EYA1: variants seen among roughly 807,000 people sequenced by gnomAD.
EYA1 encodes the protein protein phosphatase EYA1.
In EYA1, 16 loss-of-function variants were observed where a neutral mutation model predicts 82.0. The ratio of observed to expected loss-of-function variants is 0.20; its 90% CI spans 0.13 to 0.30. The LOEUF (loss-of-function observed/expected upper bound fraction) is 0.30, where lower values mean the gene tolerates loss of function less well. EYA1 is among the 10% of genes least tolerant of loss of function. The pLI, the probability that EYA1 is intolerant of heterozygous loss-of-function variation, is 1.00. For missense variants in EYA1, 633 were observed against 730.7 expected (o/e 0.87, Z 1.54); for synonymous variants, 261 against 264.4 (o/e 0.99, Z 0.12).
chr8:71,518,279 C>T (rs1272940757), intron 2 of EYA1, among the ~76,000 whole-genome samples: 1 of 152,116 alleles, frequency 6.6e-6, no homozygotes, highest in Non-Finnish European at 1.5e-5. Context: ...GGCATCTTGA[C>T]TCACCTTCCC....
intron 7 of EYA1, among the ~76,000 whole-genome samples, chr8:71,308,154 T>C (rs1820931149): frequency 6.6e-6 from 1 of 152,202 alleles, no homozygotes; most frequent in African/African-American, 2.4e-5. Context: ...CAAATCTACC[T>C]TTTAGATTTT....
chr8:71,429,544 T>C (rs1805479379), intron 2 of EYA1, among the ~76,000 whole-genome samples: 1 of 152,098 alleles, frequency 6.6e-6, no homozygotes, highest in African/African-American at 2.4e-5. Flanking sequence ...AATTCCAGTA[T>C]GAAACAGATT....
chr8:71,484,940 T>G (rs1810448274), intron 2 of EYA1, among the ~76,000 whole-genome samples: 1 of 152,216 alleles, frequency 6.6e-6, no homozygotes, highest in African/African-American at 2.4e-5. Context: ...TTCACAAGCC[T>G]CATGTAAGCC....
chr8:71,530,274 G>A (rs953623849), intron 2 of EYA1, among the ~76,000 whole-genome samples: 2 of 152,114 alleles, frequency 1.3e-5, no homozygotes, highest in African/African-American at 4.8e-5. Context: ...AAGGATGGCC[G>A]GTGCACTCCC....
At chr8:71,316,577 AATGT>A (rs1411190650) in intron 7 of EYA1, among the ~76,000 whole-genome samples, 1 of 152,200 alleles carries the variant, frequency 6.6e-6, no homozygotes, top group Non-Finnish European at 1.5e-5. Flanking sequence ...GATAATAATA[AATGT>A]ATGAGACTTA....
chr8:71,463,633 C>CT (rs1416073741), intron 2 of EYA1, among the ~76,000 whole-genome samples: 18 of 117,538 alleles, frequency 1.5e-4, no homozygotes, highest in East Asian at 6.1e-4. Context: ...CTCTCTCTCT[C>CT]CCTCCCTCCC....
chr8:71,302,524 A>G (rs1182309360), intron 7 of EYA1, among the ~76,000 whole-genome samples: 1 of 144,332 alleles, frequency 6.9e-6, no homozygotes, highest in African/African-American at 2.5e-5. Flanking sequence ...CTGAGATTCC[A>G]TTCCATTTAG....
chr8:71,243,924 A>G, intron 12 of EYA1, among the ~76,000 whole-genome samples: 1 of 152,240 alleles, frequency 6.6e-6, no homozygotes, highest in Non-Finnish European at 1.5e-5. Flanking sequence ...TTAAATAAAC[A>G]ACTGTCTCTA....
intron 2 of EYA1, among the ~76,000 whole-genome samples, chr8:71,420,595 T>A (rs576228586): frequency 6.6e-6 from 1 of 152,162 alleles, no homozygotes; most frequent in Non-Finnish European, 1.5e-5. Flanking sequence ...TGGCGCTAAG[T>A]GAAAGTAATA....
intron 1 of EYA1, among the ~76,000 whole-genome samples, chr8:71,545,465 C>G (rs1215740360): frequency 6.6e-6 from 1 of 151,638 alleles, no homozygotes. Flanking sequence ...ATTATAACAC[C>G]TCTCTCTCTA....
At chr8:71,513,747 T>A (rs1335974802) in intron 2 of EYA1, among the ~76,000 whole-genome samples, 3 of 152,106 alleles carry the variant, frequency 2.0e-5, no homozygotes, top group Non-Finnish European at 4.4e-5. Flanking sequence ...CCACCTCCTC[T>A]CCAGCTCCTC....
chr8:71,243,165 A>G (rs1812692556), intron 12 of EYA1, among the ~76,000 whole-genome samples: 1 of 152,212 alleles, frequency 6.6e-6, no homozygotes, highest in South Asian at 2.1e-4. Flanking sequence ...ATTAACACCT[A>G]TTAACATCAA....
At chr8:71,480,814 A>C (rs1295058950) in intron 2 of EYA1, among the ~76,000 whole-genome samples, 1 of 152,206 alleles carries the variant, frequency 6.6e-6, no homozygotes, top group Non-Finnish European at 1.5e-5. Context: ...AACAAATATC[A>C]ATTATTTATA....
At chr8:71,436,771 T>C (rs1246099948) in intron 2 of EYA1, among the ~76,000 whole-genome samples, 1 of 152,130 alleles carries the variant, frequency 6.6e-6, no homozygotes, top group Non-Finnish European at 1.5e-5. Flanking sequence ...TTCTTCTCTC[T>C]TGATAAATTA....
At chr8:71,226,841 A>G (rs1398185578) in intron 12 of EYA1, among the ~76,000 whole-genome samples, 1 of 151,804 alleles carries the variant, frequency 6.6e-6, no homozygotes, top group Non-Finnish European at 1.5e-5. Flanking sequence ...AGTAAGAGGT[A>G]TTTCAATGCA....
chr8:71,262,173 AAGG>A (rs1331444543), intron 11 of EYA1, among the ~76,000 whole-genome samples: 5 of 152,354 alleles, frequency 3.3e-5, no homozygotes, highest in African/African-American at 9.6e-5. Flanking sequence ...TGGCAAAAAG[AAGG>A]AGTTCATTGG....
intron 12 of EYA1, among the ~76,000 whole-genome samples, chr8:71,229,137 C>A (rs1810908098): frequency 6.6e-6 from 1 of 152,066 alleles, no homozygotes; most frequent in Non-Finnish European, 1.5e-5. Context: ...ATGTGCCCAT[C>A]CCTCACATTC....
chr8:71,211,547 A>C (rs1376758431), intron 16 of EYA1, among the ~76,000 whole-genome samples: 1 of 152,204 alleles, frequency 6.6e-6, no homozygotes, highest in East Asian at 1.9e-4. Flanking sequence ...ACAGCATTGC[A>C]ATTGGGGTGG....
At chr8:71,219,876 T>TA (rs1809678369) in intron 12 of EYA1, among the ~76,000 whole-genome samples, 1 of 152,188 alleles carries the variant, frequency 6.6e-6, no homozygotes, top group Admixed American at 6.5e-5. Flanking sequence ...ACCATCTATC[T>TA]AGCTTTTTGT....
Sources: allele counts gnomAD v4.1 joint callset (sites outside exome capture counted in the v4.1 genomes callset), GRCh38; gene constraint gnomAD v4.1.1; transcripts MANE v1.5; gene names NCBI Gene and HGNC (gene_info 2026-07-23, HGNC 2026-07-21).